CHD2: variants seen among roughly 807,000 people sequenced by gnomAD.
The protein encoded by CHD2 is chromodomain helicase DNA binding protein 2, also known as ATP-dependent chromatin remodeler CHD2.
In CHD2, 28 loss-of-function variants were observed where a neutral mutation model predicts 243.9. The observed-to-expected ratio is 0.11, with a 90% confidence interval of 0.09 to 0.16. The LOEUF is 0.16. Among genes scored for constraint, CHD2 ranks in the 10% least tolerant of loss-of-function variants. The pLI is 1.00. For missense variants in CHD2, 1,386 were observed against 2,209.8 expected, an observed-to-expected ratio of 0.63 and a Z score of 7.47; for synonymous variants, 775 against 779.0, an observed-to-expected ratio of 0.99 and a Z score of 0.09.
chr15:93,014,648 A>G (rs1354982948), intron 36 of CHD2, 48 bp from the exon 37 acceptor site: 13 of 1,544,194 alleles, frequency 8.4e-6, no homozygotes, highest in Non-Finnish European at 1.2e-5. Context: ...TTCTCTGGGG[A>G]ATTAAGCCTG....
intron 16 of CHD2, among the ~76,000 whole-genome samples, chr15:92,962,242 ATTTTCTCT>A (rs566497726): frequency 5.6e-4 from 84 of 150,282 alleles, no homozygotes; most frequent in Non-Finnish European, 8.1e-4. Context: ...TTTTCATTTA[ATTTTCTCT>A]TTTTCTCTTA....
At chr15:92,981,980 A>T (rs1156965641) in intron 24 of CHD2, among the ~76,000 whole-genome samples, 1 of 152,224 alleles carries the variant, frequency 6.6e-6, no homozygotes, top group African/African-American at 2.4e-5. Flanking sequence ...GGCAGCACAG[A>T]GTATCAATGT....
chr15:92,979,311 G>A (rs2053947461), intron 22 of CHD2, 28 bp downstream of exon 22: 2 of 1,609,246 alleles, frequency 1.2e-6, no homozygotes, highest in Non-Finnish European at 1.7e-6. Context: ...TGGGAGGTAG[G>A]CAGAATCAAA....
In CHD2 at chr15:93,024,422, A is replaced by G. The variant is rs935420733; in HGVS notation, c.5204A>G (p.Asn1735Ser). The part of the protein sequence containing the change: ...RRRSDEFRPQ[N>S]YHQQDFRRMS... ...AGATCCGATGAATTTAGGCCTCAAA[A>G]TTACCACCAGCAGGATTTCCGACGA... Residue 1735 changes from asparagine (N) to serine (S), a missense_variant, in exon 39 of 39, where the codon AAT becomes AGT. By Grantham distance (46) the Asn-to-Ser change is conservative (BLOSUM62 1). Around this residue, in one of 19 missense-constraint regions of CHD2, gnomAD observed 347 missense variants for 341.6 expected, o/e 1.02. Transcript: ENST00000394196. The G allele has an allele frequency of 1.2e-6, 2 of 1,614,016 alleles. No homozygotes were observed. The highest frequency in any genetic ancestry group is 2.7e-5 in the African/African-American group (2 of 74,898).
At chr15:93,016,481 G>A (rs2054461683) in intron 37 of CHD2, among the ~76,000 whole-genome samples, 1 of 152,196 alleles carries the variant, frequency 6.6e-6, no homozygotes, top group Non-Finnish European at 1.5e-5. Context: ...AAGTGAGGTA[G>A]TGCATATGTT....
chr15:92,920,361 C>T (rs1487719555), intron 2 of CHD2, among the ~76,000 whole-genome samples: 1 of 152,138 alleles, frequency 6.6e-6, no homozygotes, highest in Non-Finnish European at 1.5e-5. Flanking sequence ...AGTGAAAAAT[C>T]TGAAAATAAC....
At chr15:92,965,632 T>C (rs1356168229) in intron 16 of CHD2, among the ~76,000 whole-genome samples, 1 of 146,108 alleles carries the variant, frequency 6.8e-6, no homozygotes. Context: ...TTTTGGTTCA[T>C]AGCCCACACA....
intron 2 of CHD2, 145 bp downstream of exon 2, chr15:92,901,444 G>C (rs2052527921): frequency 1.6e-6 from 1 of 638,586 alleles, no homozygotes; most frequent in African/African-American, 1.9e-5. Flanking sequence ...GCATGACCTT[G>C]AGATTGCTAA....
Position 92,924,469 on chromosome 15 carries a change from G to A in CHD2, c.211G>A (p.Ala71Thr). The A allele has an allele frequency of 6.2e-7, 1 of 1,614,104 alleles. No homozygotes were observed. Among genetic ancestry groups the A allele is most frequent in the Non-Finnish European group, 8.5e-7 (1 of 1,180,010 alleles). Reference protein sequence around the residue: ...ESQSESESESAGSKSQPVLPE... With the variant: ...ESQSESESESTGSKSQPVLPE... ...TCAGTCGGAATCTGAGAGCGAATCAGCAGGTTCCAAATCCCAGCCAGTCCT... is the reference window on the plus strand; with the variant it reads ...TCAGTCGGAATCTGAGAGCGAATCAACAGGTTCCAAATCCCAGCCAGTCCT... The change falls in exon 3 of 39, where the codon GCA (alanine) becomes ACA (threonine). Residue 71 changes from alanine (A) to threonine (T), a missense_variant. This residue lies in a region of CHD2 where 89 missense variants were observed against 102.4 expected (regional missense o/e 0.87). Transcript: ENST00000394196.
chr15:92,978,405 G>A, intron 21 of CHD2, 22 bp downstream of exon 21: 2 of 1,608,754 alleles, frequency 1.2e-6, no homozygotes, highest in Admixed American at 3.4e-5. Context: ...GAGGCTTCTG[G>A]AAATTGCTTT....
At chr15:93,022,478 C>A (rs757219486) in intron 38 of CHD2, among the ~76,000 whole-genome samples, 1 of 152,216 alleles carries the variant, frequency 6.6e-6, no homozygotes, top group Non-Finnish European at 1.5e-5. Context: ...CAAACCGTAT[C>A]ACCATCTGGA....
chr15:92,958,830 G>A (rs991636489), intron 16 of CHD2, among the ~76,000 whole-genome samples: 2 of 152,138 alleles, frequency 1.3e-5, no homozygotes, highest in Non-Finnish European at 2.9e-5. Flanking sequence ...TTGGCTTTGC[G>A]TTAGGTGATT....
At chr15:92,904,462 TC>T in intron 2 of CHD2, 1 of 986,822 alleles carries the variant, frequency 1.0e-6, no homozygotes, top group Non-Finnish European at 1.2e-6. Flanking sequence ...CGCTTTCTCC[TC>T]CCCCTACCCA....
intron 2 of CHD2, chr15:92,904,426 A>G (rs915251599): frequency 4.9e-5 from 48 of 985,794 alleles, no homozygotes; most frequent in South Asian, 1.9e-4. Context: ...GAACGCAGTG[A>G]CGTCTGGCCG....
chr15:93,006,312 A>G (rs2054321446), intron 34 of CHD2, among the ~76,000 whole-genome samples: 1 of 151,836 alleles, frequency 6.6e-6, no homozygotes, highest in Non-Finnish European at 1.5e-5. Flanking sequence ...TTTTTAGTAG[A>G]TATGAGGTTT....
At chr15:92,966,366 A>G (rs548360706) in intron 16 of CHD2, among the ~76,000 whole-genome samples, 1 of 152,120 alleles carries the variant, frequency 6.6e-6, no homozygotes, top group South Asian at 2.1e-4. Context: ...GCCCAGCCAG[A>G]GATAGTTCAA....
intron 16 of CHD2, among the ~76,000 whole-genome samples, chr15:92,964,823 T>TAACGCAG (rs759604605): frequency 9.9e-5 from 15 of 152,226 alleles, no homozygotes; most frequent in Non-Finnish European, 1.6e-4. Context: ...ACTTCAGACT[T>TAACGCAG]ACCGCAGAAA....
chr15:92,942,916 G>A lies in CHD2; in HGVS notation c.900G>A (p.Lys300=). Residue 300 remains lysine, a synonymous_variant, in exon 9 of 39, where the codon AAG becomes AAA. Coordinates refer to ENST00000394196, the MANE Select transcript of CHD2 (RefSeq NM_001271.4). The part of the protein sequence containing the change: ...GDPSGDFDTE[K]DEGEIQYLIK... Reference sequence around the variant, plus strand: ...CTAGTGGTGACTTTGACACTGAAAAGGATGAAGGTGAAATCCAGTACCTCA... The same window carrying A: ...CTAGTGGTGACTTTGACACTGAAAAAGATGAAGGTGAAATCCAGTACCTCA... 1.2e-6 allele frequency: 2 copies of A among 1,614,036 alleles called. No individual in the cohort carries two copies. Among genetic ancestry groups the A allele is most frequent in the Non-Finnish European group, 1.7e-6 (2 of 1,179,978 alleles).
chr15:92,988,277 A>G (rs903730949), intron 26 of CHD2, among the ~76,000 whole-genome samples: 6 of 151,984 alleles, frequency 3.9e-5, no homozygotes, highest in African/African-American at 1.4e-4. Context: ...TAGAGATGGG[A>G]TTTCACCATG....
Sources: allele counts gnomAD v4.1 joint callset (sites outside exome capture counted in the v4.1 genomes callset), GRCh38; gene constraint gnomAD v4.1.1; regional missense constraint gnomAD v4.1.1; transcripts MANE v1.5; gene names NCBI Gene and HGNC (gene_info 2026-07-23, HGNC 2026-07-21).